The following TIGAR variants were observed in gnomAD, a reference collection of about 807,000 sequenced individuals.
TIGAR encodes fructose-2,6-bisphosphatase TIGAR.
In TIGAR, 7 loss-of-function variants were observed where a neutral mutation model predicts 17.9. The observed-to-expected ratio is 0.39, with a 90% CI of 0.22 to 0.73. The LOEUF is 0.73. Among genes scored for constraint, TIGAR ranks in the 30% least tolerant of loss-of-function variants. The pLI, the probability that TIGAR is intolerant of heterozygous loss-of-function variation, is 0.42. For synonymous variants in TIGAR, 94 were observed against 108.6 expected, an observed-to-expected ratio of 0.87 and a Z score of 0.84; for missense variants, 258 against 327.4, an observed-to-expected ratio of 0.79 and a Z score of 1.64.
chr12:4,341,787 G>GA (rs934692640), intron 3 of TIGAR, among the ~76,000 whole-genome samples: 2 of 152,098 alleles, frequency 1.3e-5, no homozygotes, highest in Non-Finnish European at 2.9e-5. Flanking sequence ...CAAAGATGGG[G>GA]AAAAAACAGA....
At chr12:4,326,650 C>T (rs1864549739) in intron 1 of TIGAR, among the ~76,000 whole-genome samples, 1 of 152,152 alleles carries the variant, frequency 6.6e-6, no homozygotes, top group Admixed American at 6.5e-5. Flanking sequence ...CACTGAAAAT[C>T]GTTAGATGGT....
rs1416400572 is a variant in TIGAR, at chr12:4,354,776, G to T, written c.*2085G>T. 2.7e-5 allele frequency among the ~76,000 whole-genome samples: 4 copies of T among 146,398 alleles called. 1 individual carries two copies. In the East Asian group the frequency reaches 7.9e-4, roughly 29 times the overall value. ...AGACAGAGTCTCTCTCTGTTGCCCA[G>T]GCTGGGGTGCAATGGCGTGATCTTG... On this transcript the variant is annotated 3_prime_UTR_variant, in exon 6 of 6. Transcript: ENST00000179259.
In TIGAR at chr12:4,347,755, G is replaced by A. The variant is rs573081239; in HGVS notation, c.193-2064G>A. Among the ~76,000 whole-genome samples the A allele has an allele frequency of 5.9e-5, 9 of 152,316 alleles. No individual in the cohort carries two copies. In the South Asian group the frequency reaches 1.9e-3, roughly 32 times the overall value. ...AAATGAAAACCTCAGTGGAAGTACT[G>A]AAGTATAGATCACACACGGCTGAAG... On this transcript the variant is annotated intron_variant, in intron 3 of 5. Transcript: ENST00000179259.
rs747286118 is a variant in TIGAR, at chr12:4,359,049, G to C, written c.*6358G>C. Among the ~76,000 whole-genome samples, 1 of 151,376 alleles carries C rather than the reference G, an allele frequency of 6.6e-6. No homozygotes were observed. The highest frequency in any genetic ancestry group is 1.5e-5 in the Non-Finnish European group (1 of 67,892). On this transcript the variant is annotated 3_prime_UTR_variant, in exon 6 of 6. Transcript: ENST00000179259. ...GACAGGACGTTGTATCAATATGTCT[G>C]GTTCCTCATTAAATTTGCAACTACT...
At position 4,324,610 on chromosome 12, in the gene TIGAR, G is replaced by T. The variant is rs12311483; in HGVS notation, c.32+3307G>T. 2,327 of 1,565,300 alleles carry T rather than the reference G, an allele frequency of 1.5e-3. 32 individuals carry two copies. The African/African-American group carries it at 0.024, about 16-fold the overall frequency. On this transcript the variant is annotated intron_variant, in intron 1 of 5. Coordinates refer to ENST00000179259, the MANE Select transcript of TIGAR (RefSeq NM_020375.3). ...CACTTCCGGCTTCTCCATGGGCGGT[G>T]CCTCCTTCTTGGCCTTGCGCAGGCG...
rs1026820812 is a variant in TIGAR at position 4,353,421 on chromosome 12, C to G, written c.*730C>G. On this transcript the variant is annotated 3_prime_UTR_variant, in exon 6 of 6. Coordinates refer to ENST00000179259, the MANE Select transcript of TIGAR (RefSeq NM_020375.3). Reference sequence around the variant, plus strand: ...AAGCCAAAAAAATGAAGAATATCCACTTGCTTCTTATCTAACCTGTAGGCT... The same window carrying G: ...AAGCCAAAAAAATGAAGAATATCCAGTTGCTTCTTATCTAACCTGTAGGCT... The G allele has an allele frequency of 6.6e-6, 1 of 152,236 alleles. No individual in the cohort carries two copies. Among genetic ancestry groups the G allele is most frequent in the Non-Finnish European group, 1.5e-5 (1 of 68,048 alleles). 9.4% of individuals were successfully genotyped at this position (152,236 alleles called of 1,614,324 possible). A position where few individuals can be genotyped will look rare whatever the true frequency, so the allele number is the denominator to read the frequency against.
At chr12:4,332,190 C>CT (rs1294514129) in intron 2 of TIGAR, among the ~76,000 whole-genome samples, 5 of 139,610 alleles carry the variant, frequency 3.6e-5, no homozygotes, top group Non-Finnish European at 7.7e-5. Context: ...TGCTTTAGTT[C>CT]TTTAAGTTAC....
intron 3 of TIGAR, among the ~76,000 whole-genome samples, chr12:4,341,332 C>A (rs774850759): frequency 6.6e-6 from 1 of 152,148 alleles, no homozygotes; most frequent in Admixed American, 6.5e-5. Context: ...CAGCTCCCAG[C>A]GTGAGCGACG....
intron 3 of TIGAR, among the ~76,000 whole-genome samples, chr12:4,343,790 G>C (rs4469974): frequency 6.6e-6 from 1 of 151,896 alleles, no homozygotes; most frequent in East Asian, 1.9e-4. Flanking sequence ...AAGATCTAAA[G>C]TTGGCACCCT....
At chr12:4,342,200 G>C (rs1864730646) in intron 3 of TIGAR, among the ~76,000 whole-genome samples, 1 of 152,154 alleles carries the variant, frequency 6.6e-6, no homozygotes, top group Admixed American at 6.5e-5. Flanking sequence ...AGAATAAAAA[G>C]AAATGAACAA....
At chr12:4,342,552 A>G (rs1372053821) in intron 3 of TIGAR, among the ~76,000 whole-genome samples, 1 of 152,222 alleles carries the variant, frequency 6.6e-6, no homozygotes, top group Admixed American at 6.5e-5. Flanking sequence ...TAAAAACTCT[A>G]CAAGCCAGAA....
chr12:4,326,077 A>G (rs1435821972), intron 1 of TIGAR, among the ~76,000 whole-genome samples: 2 of 152,242 alleles, frequency 1.3e-5, no homozygotes, highest in African/African-American at 4.8e-5. Context: ...GAGATAACCT[A>G]CAAAATGAAT....
Position 4,356,400 on chromosome 12 carries a change from G to T in TIGAR, c.*3709G>T, listed in dbSNP as rs1297169306. Among the ~76,000 whole-genome samples, 1 of 152,228 alleles carries T rather than the reference G, an allele frequency of 6.6e-6. No homozygotes were observed. The highest frequency in any genetic ancestry group is 2.4e-5 in the African/African-American group (1 of 41,522). On this transcript the variant is annotated 3_prime_UTR_variant, in exon 6 of 6. Coordinates refer to ENST00000179259, the MANE Select transcript of TIGAR (RefSeq NM_020375.3). ...GGTTTTTGATTGTTTTTTAACAAAT[G>T]AATTTTTTAAGAGACTTAATTTTTT... is the stretch of plus-strand genomic sequence containing the variant.
intron 2 of TIGAR, chr12:4,335,436 TATG>T (rs951202249): frequency 5.9e-5 from 9 of 152,000 alleles, no homozygotes; most frequent in African/African-American, 2.2e-4. Flanking sequence ...TAACTCCCAA[TATG>T]ATGACATTAG....
Position 4,324,217 on chromosome 12 carries a change from T to G in TIGAR, c.32+2914T>G, listed in dbSNP as rs143646508. On this transcript the variant is annotated intron_variant, in intron 1 of 5. Coordinates refer to ENST00000179259, the MANE Select transcript of TIGAR (RefSeq NM_020375.3). ...GCATTGTTGAAAACTCCAACACGTGTAGGTTGGCATTACCATCACCTATCC... is the reference window on the plus strand; with the variant it reads ...GCATTGTTGAAAACTCCAACACGTGGAGGTTGGCATTACCATCACCTATCC... 2.0e-4 allele frequency among the ~76,000 whole-genome samples: 30 copies of G among 152,256 alleles called. No individual in the cohort carries two copies. In the East Asian group the frequency reaches 4.8e-3, roughly 24 times the overall value.
intron 1 of TIGAR, 39 bp from the exon 2 acceptor site, chr12:4,331,241 A>G: frequency 6.4e-7 from 1 of 1,565,820 alleles, no homozygotes. Flanking sequence ...AAAACAGTAT[A>G]ATTTGGCTAA....
rs151227824 is a variant in TIGAR, at chr12:4,351,421, A to G, written c.381+44A>G. The stretch of plus-strand genomic sequence containing the variant: ...GTCAGAATGGTTGAATTAAGACTCA[A>G]AATTAGATGTTTTGGAATTTTAGCT... On this transcript the variant is annotated intron_variant, in intron 5 of 5. Transcript: ENST00000179259. 287 of 1,527,948 alleles carry G rather than the reference A, an allele frequency of 1.9e-4. No homozygotes were observed. In the African/African-American group the frequency reaches 3.5e-3, roughly 19 times the overall value. 94.6% of individuals were successfully genotyped at this position (1,527,948 alleles called of 1,614,324 possible). A position where few individuals can be genotyped will look rare whatever the true frequency, so the allele number is the denominator to read the frequency against.
rs777057274 is a variant in TIGAR, at chr12:4,321,349, G to A, written c.32+46G>A. The A allele has an allele frequency of 1.9e-6, 3 of 1,599,086 alleles. No homozygotes were observed. In the South Asian group the frequency reaches 3.3e-5, roughly 18 times the overall value. On this transcript the variant is annotated intron_variant, in intron 1 of 5. Coordinates refer to ENST00000179259, the MANE Select transcript of TIGAR (RefSeq NM_020375.3). This position sits in a 1 kb window ranked among gnomAD's most constrained non-coding sequence, Gnocchi z 5.2. ...ATGTCTTTCTCTCTCTCTTCCTTGA[G>A]TGTGTTGGAGCGGGTGAAGGGAAAA...
intron 3 of TIGAR, among the ~76,000 whole-genome samples, chr12:4,340,670 A>G (rs556708984): frequency 3.3e-5 from 5 of 152,352 alleles, no homozygotes; most frequent in African/African-American, 1.2e-4. Context: ...AGAAACCAAA[A>G]TAGCATGGTA....
Sources: allele counts gnomAD v4.1 joint callset (sites outside exome capture counted in the v4.1 genomes callset), GRCh38; gene constraint gnomAD v4.1.1; non-coding constraint Gnocchi (gnomAD v3.1); transcripts MANE v1.5; gene names NCBI Gene and HGNC (gene_info 2026-07-23, HGNC 2026-07-21).